Variants in RCC1L observed in about 807,000 individuals in gnomAD.
The protein encoded by RCC1L is RCC1-like G exchanging factor-like protein.
A neutral mutation model predicts 58.6 loss-of-function variants in RCC1L; 46 were observed. The ratio of observed to expected loss-of-function variants is 0.79; its 90% CI spans 0.62 to 1.00. RCC1L has a LOEUF of 1.00. RCC1L is among the 50% of genes least tolerant of loss of function. RCC1L has a pLI of 0.00. For missense variants in RCC1L, 636 were observed against 623.6 expected, an observed-to-expected ratio of 1.02 and a Z score of -0.21; for synonymous variants, 281 against 262.9, an observed-to-expected ratio of 1.07 and a Z score of -0.67.
intron 10 of RCC1L, among the ~76,000 whole-genome samples, chr7:75,045,994 T>C (rs1054044705): frequency 1.1e-4 from 16 of 152,234 alleles, no homozygotes; most frequent in Non-Finnish European, 5.9e-5. Flanking sequence ...TCACAGTCTG[T>C]GGAGTTTACC....
rs587754661 is a variant in RCC1L, at chr7:75,073,344, C to G, written c.324+70G>C. ...GAGGAGCCAACTTCTTGAAGAGAGC[C>G]GAACAGGTCGAGGGAGGCCGGGAGC... On this transcript the variant is annotated intron_variant, in intron 1 of 10. Coordinates refer to ENST00000610322, the MANE Select transcript of RCC1L (RefSeq NM_030798.5). 6,009 of 696,200 alleles carry G rather than the reference C, an allele frequency of 8.6e-3. 51 individuals are homozygous for G. Among genetic ancestry groups the G allele is most frequent in the Non-Finnish European group, 0.011 (5,127 of 473,470 alleles). The allele number at this position is 696,200 out of a possible 1,614,324, so 43.1% of individuals were successfully genotyped here. A position where few individuals can be genotyped will look rare whatever the true frequency, so the allele number is the denominator to read the frequency against.
At chr7:75,051,359 T>C (rs1805909354) in intron 10 of RCC1L, among the ~76,000 whole-genome samples, 1 of 148,026 alleles carries the variant, frequency 6.8e-6, no homozygotes, top group African/African-American at 2.5e-5. Context: ...CACACACATA[T>C]ATATACACAC....
At chr7:75,070,011 T>G (rs1554445785) in intron 2 of RCC1L, among the ~76,000 whole-genome samples, 5 of 152,202 alleles carry the variant, frequency 3.3e-5, no homozygotes, top group Admixed American at 1.3e-4. Flanking sequence ...TTTCAATGCT[T>G]TTTCCCTCCA....
downstream of RCC1L, among the ~76,000 whole-genome samples, chr7:75,038,869 G>C (rs1158116829): frequency 2.0e-5 from 3 of 152,294 alleles, no homozygotes; most frequent in South Asian, 6.2e-4. Flanking sequence ...TCCTGCCTCC[G>C]GGGGGAAACC....
Position 75,034,230 on chromosome 7 carries a change from T to C in RCC1L, c.1318-6151A>G, listed in dbSNP as rs1238696747. Among the ~76,000 whole-genome samples, 7 of 152,228 alleles carry C rather than the reference T, an allele frequency of 4.6e-5. No homozygotes were observed. The East Asian group carries it at 1.2e-3, about 25-fold the overall frequency. On this transcript the variant is annotated intron_variant, in intron 10 of 10. Transcript: ENST00000614461. ...GAGGACAGCCGAGAAAGAAAGGTGATTGCAGCTGGGCGTGGTGGCTTACAC... is the reference window on the plus strand; with the variant it reads ...GAGGACAGCCGAGAAAGAAAGGTGACTGCAGCTGGGCGTGGTGGCTTACAC...
At position 75,073,488 on chromosome 7, in the gene RCC1L, G is replaced by T; in HGVS notation, c.250C>A (p.Pro84Thr). 7.2e-7 allele frequency: 1 copy of T among 1,390,218 alleles called. No homozygotes were observed. Among genetic ancestry groups the T allele is most frequent in the Non-Finnish European group, 9.3e-7 (1 of 1,077,416 alleles). The allele number at this position is 1,390,218 out of a possible 1,614,324, so 86.1% of individuals were successfully genotyped here. A position where few individuals can be genotyped will look rare whatever the true frequency, so the allele number is the denominator to read the frequency against. ...GGTCGGGCGCCGGCGCGGGGCCCGG[G>T]CCCGGAGCTGGGCACCACAAAGGAA... ...VPSFVVPSSG[P>T]GPRAGARPRR... Residue 84 changes from proline to threonine, a missense_variant, in exon 1 of 11, where the codon CCC (proline) becomes ACC (threonine). Transcript: ENST00000610322.
At chr7:75,035,584 A>C (rs1805416432) in intron 10 of RCC1L, among the ~76,000 whole-genome samples, 1 of 152,182 alleles carries the variant, frequency 6.6e-6, no homozygotes, top group South Asian at 2.1e-4. Context: ...CCAGAAACAA[A>C]ACGCTGGGCC....
chr7:75,046,243 C>A (rs2131980148), intron 10 of RCC1L, among the ~76,000 whole-genome samples: 1 of 152,318 alleles, frequency 6.6e-6, no homozygotes, highest in Middle Eastern at 3.4e-3. Context: ...AGAACGGGGC[C>A]CAGTGAATCG....
chr7:75,028,078 G>T, exon 11 of RCC1L: 3 of 1,532,038 alleles, frequency 2.0e-6, no homozygotes, highest in Non-Finnish European at 2.6e-6. Flanking sequence ...TGGGGCAGGT[G>T]CCTGGCGGGG....
rs369361789 is a variant in RCC1L at position 75,066,782 on chromosome 7, G to A, written c.465C>T (p.Tyr155=). The A allele has an allele frequency of 1.2e-5, 20 of 1,604,148 alleles. No homozygotes were observed. The highest frequency in any genetic ancestry group is 3.3e-5 in the South Asian group (3 of 89,684). Residue 155 remains tyrosine, a synonymous_variant, in exon 3 of 11, where the codon TAC becomes TAT. Transcript: ENST00000610322. The part of the protein sequence containing the change: ...HRSRKDKTRG[Y]EYVLEPSPVS... ...CGGGTGAGGGCTCCAACACATACTC[G>A]TAGCCCCTCGCTGGAAAAGACACAG...
At position 75,042,627 on chromosome 7, in the gene RCC1L, G is replaced by C; in HGVS notation, c.*405C>G. On this transcript the variant is annotated 3_prime_UTR_variant, in exon 11 of 11. Coordinates refer to ENST00000610322, the MANE Select transcript of RCC1L (RefSeq NM_030798.5). ...GGGCTCGGTCCGAGGCACACGCATG[G>C]CCTTGGCCAGACACAAACCAAGAGA... 1 of 1,061,636 alleles carries C rather than the reference G, an allele frequency of 9.4e-7. No individual in the cohort carries two copies. The highest frequency in any genetic ancestry group is 1.1e-6 in the Non-Finnish European group (1 of 875,592). The allele number at this position is 1,061,636 out of a possible 1,614,324, so 65.8% of individuals were successfully genotyped here. A position where few individuals can be genotyped will look rare whatever the true frequency, so the allele number is the denominator to read the frequency against.
chr7:75,039,133 C>G (rs1397891412), downstream of RCC1L, among the ~76,000 whole-genome samples: 1 of 152,210 alleles, frequency 6.6e-6, no homozygotes, highest in Non-Finnish European at 1.5e-5. Flanking sequence ...AGCCACTGCA[C>G]CTGGCCTCCC....
At chr7:75,052,085 C>T (rs1392177064) in intron 10 of RCC1L, among the ~76,000 whole-genome samples, 1 of 152,152 alleles carries the variant, frequency 6.6e-6, no homozygotes, top group Admixed American at 6.5e-5. Context: ...GCGTCTCTTC[C>T]CCTGTAATTC....
Position 75,058,746 on chromosome 7 carries a change from T to G in RCC1L, c.811A>C (p.Ser271Arg). Residue 271 changes from serine (S) to arginine (R), a missense_variant, in exon 7 of 11, where the codon AGC (serine) becomes CGC (arginine). Coordinates refer to ENST00000610322, the MANE Select transcript of RCC1L (RefSeq NM_030798.5). ...TCTCCACCCAGCTTGGTGGGCGAGCTGGTGATATTGTAGTGACCCAGACCT... is the reference window on the plus strand; with the variant it reads ...TCTCCACCCAGCTTGGTGGGCGAGCGGGTGATATTGTAGTGACCCAGACCT... ...QTGLGHYNIT[S>R]SPTKLGGDLA... 6.2e-7 allele frequency: 1 copy of G among 1,613,970 alleles called. No individual in the cohort carries two copies.
chr7:75,045,778 C>T (rs962789987), intron 10 of RCC1L, among the ~76,000 whole-genome samples: 40 of 152,248 alleles, frequency 2.6e-4, no homozygotes, highest in East Asian at 9.7e-4. Context: ...CCTCCCAAAG[C>T]GCTGGGATTA....
intron 1 of RCC1L, among the ~76,000 whole-genome samples, chr7:75,072,449 T>C (rs1554446294): frequency 6.6e-6 from 1 of 151,866 alleles, no homozygotes; most frequent in African/African-American, 2.4e-5. Flanking sequence ...CTTCTAAAGG[T>C]TGAGTAACTT....
intron 3 of RCC1L, 150 bp downstream of exon 3, chr7:75,066,514 G>T: frequency 1.0e-6 from 1 of 959,940 alleles, no homozygotes; most frequent in Non-Finnish European, 1.5e-6. Flanking sequence ...CAGCTGTCTT[G>T]AGCAATCCCA....
Position 75,070,697 on chromosome 7 carries a change from C to T in RCC1L, c.397G>A (p.Gly133Arg). The T allele has an allele frequency of 1.2e-6, 2 of 1,614,134 alleles. No individual in the cohort carries two copies. The highest frequency in any genetic ancestry group is 1.7e-6 in the Non-Finnish European group (2 of 1,180,010). ...SKTADVTKVW[G>R]MGLNKDSQLG... ...TGAGAATCTTTGTTGAGTCCCATCC[C>T]CCAGACTTTCGTAACATCCGCAGTC... is the stretch of plus-strand genomic sequence containing the variant. The change falls in exon 2 of 11, where the codon GGG becomes AGG. Residue 133 changes from glycine to arginine, a missense_variant. By Grantham distance (125) the Gly-to-Arg change is moderately radical. Transcript: ENST00000610322.
At chr7:75,039,599 C>T (rs1035637463), downstream of RCC1L, among the ~76,000 whole-genome samples, 29 of 152,100 alleles carry the variant, frequency 1.9e-4, 1 homozygote, top group African/African-American at 6.5e-4. Context: ...GGACCTACGA[C>T]CCCTGCAAAC....
Sources: allele counts gnomAD v4.1 joint callset (sites outside exome capture counted in the v4.1 genomes callset), GRCh38; gene constraint gnomAD v4.1.1; transcripts MANE v1.5; gene names NCBI Gene and HGNC (gene_info 2026-07-23, HGNC 2026-07-21).